NIT2: variants seen among roughly 807,000 people sequenced by gnomAD.
NIT2 encodes the protein omega-amidase NIT2.
A neutral mutation model predicts 42.7 loss-of-function variants in NIT2; 46 were observed. The observed-to-expected ratio is 1.08, with a 90% CI of 0.85 to 1.38. NIT2 has a LOEUF of 1.38. Ranked by LOEUF, NIT2 falls within the 40% of genes most tolerant of loss-of-function variation. NIT2 has a pLI of 0.00. For synonymous variants in NIT2, 123 were observed against 121.9 expected (o/e 1.01, Z -0.06); for missense variants, 309 against 342.5 (o/e 0.90, Z 0.77).
At position 100,358,403 on chromosome 3, in the gene NIT2, T is replaced by C. The variant is rs1706344214; in HGVS notation, c.*3135T>C. ...GACTTTCTAATGAATTAGACAATGA[T>C]GTTTTATTTTTGTTTTTTGTTTTTG... On this transcript the variant is annotated 3_prime_UTR_variant, in exon 10 of 10. Transcript: ENST00000394140. 6.6e-6 allele frequency: 1 copy of C among 152,232 alleles called. No individual in the cohort carries two copies. Among genetic ancestry groups the C allele is most frequent in the South Asian group, 2.1e-4 (1 of 4,830 alleles). 9.4% of individuals were successfully genotyped at this position (152,232 alleles called of 1,614,324 possible). A position where few individuals can be genotyped will look rare whatever the true frequency, so the allele number is the denominator to read the frequency against.
At chr3:100,350,320 G>T (rs539482449) in intron 7 of NIT2, among the ~76,000 whole-genome samples, 3 of 152,190 alleles carry the variant, frequency 2.0e-5, no homozygotes, top group Non-Finnish European at 4.4e-5. Flanking sequence ...AAGTCTCGAG[G>T]GCTCCGAGGT....
chr3:100,335,453 G>A (rs1706058054), intron 1 of NIT2, among the ~76,000 whole-genome samples: 1 of 152,176 alleles, frequency 6.6e-6, no homozygotes, highest in South Asian at 2.1e-4. Context: ...GGTCTTCGTT[G>A]TTAGATTATG....
chr3:100,336,140 GTT>G (rs1706068519), intron 1 of NIT2, among the ~76,000 whole-genome samples: 1 of 152,200 alleles, frequency 6.6e-6, no homozygotes, highest in South Asian at 2.1e-4. Flanking sequence ...GGACATCTGA[GTT>G]TTCCTTTTAG....
At position 100,345,679 on chromosome 3, in the gene NIT2, G is replaced by A. The variant is rs370076508; in HGVS notation, c.430+1G>A. ...GATAGTTTCTCCACATTTGATACTC[G>A]TATGTACCAGATAAGTTTGCCTCTT... On this transcript the variant is annotated splice_donor_variant, in intron 5 of 9. Coordinates refer to ENST00000394140, the MANE Select transcript of NIT2 (RefSeq NM_020202.5). LOFTEE classifies it high-confidence loss of function. 10 of 1,587,456 alleles carry A rather than the reference G, an allele frequency of 6.3e-6. No homozygotes were observed. Among genetic ancestry groups the A allele is most frequent in the Non-Finnish European group, 8.6e-6 (10 of 1,156,376 alleles).
At chr3:100,348,707 T>C in intron 6 of NIT2, 96 bp from the exon 7 acceptor site, 1 of 914,526 alleles carries the variant, frequency 1.1e-6, no homozygotes, top group Non-Finnish European at 1.7e-6. Context: ...TTGGGAAAGT[T>C]TGAGTTCAGT....
intron 9 of NIT2, 97 bp from the exon 10 acceptor site, chr3:100,355,080 A>C: frequency 2.2e-6 from 2 of 900,648 alleles, no homozygotes; most frequent in Non-Finnish European, 3.6e-6. Context: ...TAAGTTACTT[A>C]CTAAGACTCT....
chr3:100,347,648 G>A (rs1158962245), intron 6 of NIT2, among the ~76,000 whole-genome samples: 2 of 152,010 alleles, frequency 1.3e-5, no homozygotes, highest in South Asian at 2.1e-4. Context: ...CAGGCTTTCC[G>A]TCCTTTTTTT....
rs1706333625 is a variant in NIT2 at position 100,357,392 on chromosome 3, C to T, written c.*2124C>T. 1 of 151,948 alleles carries T rather than the reference C, an allele frequency of 6.6e-6. No individual in the cohort carries two copies. Among genetic ancestry groups the T allele is most frequent in the South Asian group, 2.1e-4 (1 of 4,820 alleles). 9.4% of individuals were successfully genotyped at this position (151,948 alleles called of 1,614,324 possible). ...AAATAGAAAGTCTTACTGTAAAGCC[C>T]ACATCTGTATAAAAAAATGAAAGAA... On this transcript the variant is annotated 3_prime_UTR_variant, in exon 10 of 10. Coordinates refer to ENST00000394140, the MANE Select transcript of NIT2 (RefSeq NM_020202.5).
chr3:100,336,600 T>A (rs954685228), intron 1 of NIT2, among the ~76,000 whole-genome samples: 1 of 152,166 alleles, frequency 6.6e-6, no homozygotes, highest in African/African-American at 2.4e-5. Context: ...GGTCTCTGCA[T>A]CATGAACAAG....
intron 3 of NIT2, 123 bp downstream of exon 3, chr3:100,340,058 A>G: frequency 1.3e-6 from 1 of 745,908 alleles, no homozygotes; most frequent in Non-Finnish European, 2.1e-6. Context: ...TGAAGCAGAG[A>G]GTTTCTTTTT....
Position 100,341,083 on chromosome 3 carries a change from T to G in NIT2, c.258T>G (p.Pro86=), listed in dbSNP as rs750762329. ...TTCTCTCAATGAAAGGCTCTATCCC[T>G]GAAGAGGATGCTGGGAAATTATATA... ...CSIYLIGGSI[P]EEDAGKLYNT... is the part of the protein sequence containing the mutation. The change falls in exon 4 of 10, where the codon CCT becomes CCG. Residue 86 remains proline, a synonymous_variant. Coordinates refer to ENST00000394140, the MANE Select transcript of NIT2 (RefSeq NM_020202.5). The G allele has an allele frequency of 2.5e-6, 4 of 1,611,090 alleles. No individual in the cohort carries two copies. The highest frequency in any genetic ancestry group is 3.4e-6 in the Non-Finnish European group (4 of 1,177,368).
Position 100,339,193 on chromosome 3 carries a change from A to G in NIT2, c.114A>G (p.Ile38Met), listed in dbSNP as rs755709557. 1.1e-5 allele frequency: 18 copies of G among 1,609,804 alleles called. No homozygotes were observed. The highest frequency in any genetic ancestry group is 1.4e-5 in the Non-Finnish European group (17 of 1,176,156). Reference sequence around the variant, plus strand: ...AGGCAGCAACGCAAGGAGCCAAAATAGTTTCTTTGCCGGTCAGTATGGGAG... The same window carrying G: ...AGGCAGCAACGCAAGGAGCCAAAATGGTTTCTTTGCCGGTCAGTATGGGAG... ...IREAATQGAK[I>M]VSLPECFNSP... The change falls in exon 2 of 10, where the codon ATA becomes ATG. Residue 38 changes from isoleucine to methionine, a missense_variant. By Grantham distance (10) the Ile-to-Met change is conservative. Coordinates refer to ENST00000394140, the MANE Select transcript of NIT2 (RefSeq NM_020202.5).
In NIT2 at chr3:100,345,672, G is replaced by A. The variant is rs747747459; in HGVS notation, c.424G>A (p.Asp142Asn). ...LSPGDSFSTFDTPYCRVGLGI... is the reference protein window; with the variant it reads ...LSPGDSFSTFNTPYCRVGLGI... ...TCCGGGTGATAGTTTCTCCACATTT[G>A]ATACTCGTATGTACCAGATAAGTTT... Residue 142 changes from aspartate (D) to asparagine (N), a missense_variant, in exon 5 of 10, where the codon GAT becomes AAT. Asp to Asn is a conservative substitution (Grantham distance 23). Transcript: ENST00000394140. 1.9e-6 allele frequency: 3 copies of A among 1,602,804 alleles called. No homozygotes were observed. The highest frequency in any genetic ancestry group is 3.3e-5 in the Admixed American group (2 of 59,956).
At chr3:100,349,067 C>A in intron 7 of NIT2, 186 bp downstream of exon 7, 1 of 510,694 alleles carries the variant, frequency 2.0e-6, no homozygotes, top group Non-Finnish European at 3.5e-6. Context: ...ACTTTCTCCT[C>A]AGAAGCCACA....
Position 100,355,200 on chromosome 3 carries a change from C to T in NIT2, c.763C>T (p.Arg255Cys), listed in dbSNP as rs777950856. 29 of 1,613,848 alleles carry T rather than the reference C, an allele frequency of 1.8e-5. No homozygotes were observed. The East Asian group carries it at 3.8e-4, about 21-fold the overall frequency. The change falls in exon 10 of 10, where the codon CGC (arginine) becomes TGC (cysteine). Residue 255 changes from arginine to cysteine, a missense_variant. By Grantham distance (180) the Arg-to-Cys change is radical. Coordinates refer to ENST00000394140, the MANE Select transcript of NIT2 (RefSeq NM_020202.5). ...DIDLKKLAEI[R>C]QQIPVFRQKR... is the part of the protein sequence containing the mutation. ...AGACCTGAAGAAGCTGGCTGAAATA[C>T]GCCAGCAAATCCCCGTTTTTAGACA...
chr3:100,346,249 CAG>C lies in NIT2; in HGVS notation c.504_505del (p.Gly169LeufsTer11), dbSNP rs1559824478. 1 of 1,613,948 alleles carries C rather than the reference CAG, an allele frequency of 6.2e-7. No individual in the cohort carries two copies. Among genetic ancestry groups the C allele is most frequent in the Non-Finnish European group, 8.5e-7 (1 of 1,179,888 alleles). ...RFAELAQIYA[Q>X]RGCQLLVYPG... The stretch of plus-strand genomic sequence containing the variant: ...TGCAGAGCTTGCACAAATCTACGCA[CAG>C]AGAGGTGAGGCAGTGTAATAGCTGT... On this transcript the variant is annotated frameshift_variant, in exon 6 of 10. Coordinates refer to ENST00000394140, the MANE Select transcript of NIT2 (RefSeq NM_020202.5). LOFTEE classifies it high-confidence loss of function.
chr3:100,350,920 T>C (rs901537745), intron 7 of NIT2, among the ~76,000 whole-genome samples: 1 of 151,586 alleles, frequency 6.6e-6, no homozygotes, highest in Admixed American at 6.6e-5. Flanking sequence ...TGTGTTCTCA[T>C]TGTTCAATTC....
chr3:100,355,789 C>T lies in NIT2; in HGVS notation c.*521C>T, dbSNP rs972404685. 7 of 152,386 alleles carry T rather than the reference C, an allele frequency of 4.6e-5. No individual in the cohort carries two copies. Among genetic ancestry groups the T allele is most frequent in the African/African-American group, 1.7e-4 (7 of 41,426 alleles). The allele number at this position is 152,386 out of a possible 1,614,324, so 9.4% of individuals were successfully genotyped here. On this transcript the variant is annotated 3_prime_UTR_variant, in exon 10 of 10. Transcript: ENST00000394140. ...CCCTCCTACCAGCCTTTGCACTCTT[C>T]AAATTTAAAAAGGAGCTACTTATCA... is the stretch of plus-strand genomic sequence containing the variant.
Position 100,346,275 on chromosome 3 carries a change from G to C in NIT2, c.505+20G>C. On this transcript the variant is annotated intron_variant, in intron 6 of 9. Coordinates refer to ENST00000394140, the MANE Select transcript of NIT2 (RefSeq NM_020202.5). ...AGAGAGGTGAGGCAGTGTAATAGCT[G>C]TGTTATGTGGGTGCTTGGAGGCTTG... 1 of 1,610,698 alleles carries C rather than the reference G, an allele frequency of 6.2e-7. No homozygotes were observed. Among genetic ancestry groups the C allele is most frequent in the Non-Finnish European group, 8.5e-7 (1 of 1,177,194 alleles).
Sources: allele counts gnomAD v4.1 joint callset (sites outside exome capture counted in the v4.1 genomes callset), GRCh38; gene constraint gnomAD v4.1.1; transcripts MANE v1.5; gene names NCBI Gene and HGNC (gene_info 2026-07-23, HGNC 2026-07-21).